TJP1: variants seen among roughly 807,000 people sequenced by gnomAD.
The protein encoded by TJP1 is tight junction protein ZO-1.
A neutral mutation model predicts 194.2 loss-of-function variants in TJP1; 43 were observed. The observed-to-expected ratio is 0.22, with a 90% CI of 0.17 to 0.29. The LOEUF (loss-of-function observed/expected upper bound fraction) is 0.29, where lower values mean the gene tolerates loss of function less well. TJP1 is among the 10% of genes least tolerant of loss of function. TJP1 has a pLI of 1.00. For missense variants in TJP1, 1,971 were observed against 2,185.7 expected, an observed-to-expected ratio of 0.90 and a Z score of 1.96; for synonymous variants, 801 against 779.0, an observed-to-expected ratio of 1.03 and a Z score of -0.47.
chr15:29,870,972 C>T (rs1283183348), intron 2 of TJP1, among the ~76,000 whole-genome samples: 1 of 152,198 alleles, frequency 6.6e-6, no homozygotes, highest in Non-Finnish European at 1.5e-5. Flanking sequence ...GAACTGGCGG[C>T]CAGCCCCAGG....
chr15:29,852,636 A>C (rs901215757), intron 2 of TJP1, among the ~76,000 whole-genome samples: 23 of 152,320 alleles, frequency 1.5e-4, no homozygotes, highest in Admixed American at 5.9e-4. Context: ...AGGGCCGGGC[A>C]TGGTGGCTCA....
In TJP1 at chr15:29,716,602, A is replaced by T. The variant is rs2042578511; in HGVS notation, c.4202+9T>A. On this transcript the variant is annotated intron_variant, in intron 23 of 27. Coordinates refer to ENST00000614355, the MANE Select transcript of TJP1 (RefSeq NM_001330239.4). Reference sequence around the variant, plus strand: ...ATCCTATTTTTAAAAGCCAGGTGAAATAGCTTACTTTGAAGAATAACTAGA... The same window carrying T: ...ATCCTATTTTTAAAAGCCAGGTGAATTAGCTTACTTTGAAGAATAACTAGA... The T allele has an allele frequency of 1.9e-6, 3 of 1,600,962 alleles. No individual in the cohort carries two copies. Among genetic ancestry groups the T allele is most frequent in the South Asian group, 2.2e-5 (2 of 90,588 alleles).
intron 2 of TJP1, among the ~76,000 whole-genome samples, chr15:29,880,918 C>G (rs1423856428): frequency 6.6e-6 from 1 of 152,178 alleles, no homozygotes; most frequent in African/African-American, 2.4e-5. Context: ...GTGCAAATAT[C>G]TCTTCAAGAT....
In TJP1 at chr15:29,835,062, T is replaced by C. The variant is rs368537082; in HGVS notation, c.307-34360A>G. On this transcript the variant is annotated intron_variant, in intron 2 of 28. Coordinates refer to the TJP1 transcript ENST00000356107. ...GAGGAGGGGTAATGAGAGGGGCTTG[T>C]TGGGGGCCAGGAGAAGTGGGCTGGA... is the stretch of plus-strand genomic sequence containing the variant. Among the ~76,000 whole-genome samples the C allele has an allele frequency of 3.3e-5, 5 of 152,240 alleles. No homozygotes were observed. In the East Asian group the frequency reaches 7.7e-4, roughly 24 times the overall value.
At chr15:29,715,547 C>T (rs2042511987) in intron 23 of TJP1, among the ~76,000 whole-genome samples, 1 of 152,022 alleles carries the variant, frequency 6.6e-6, no homozygotes, top group African/African-American at 2.4e-5. Context: ...CAAGATAATC[C>T]CAAGCCCACG....
At chr15:29,907,770 C>T (rs961362659) in intron 2 of TJP1, among the ~76,000 whole-genome samples, 6 of 151,980 alleles carry the variant, frequency 3.9e-5, no homozygotes, top group Admixed American at 2.6e-4. Flanking sequence ...CTCTTCCATT[C>T]CTCCCAGCTT....
chr15:29,786,892 G>A (rs1488510565), intron 2 of TJP1, among the ~76,000 whole-genome samples: 2 of 152,072 alleles, frequency 1.3e-5, no homozygotes, highest in Admixed American at 6.6e-5. Flanking sequence ...CGCTCTTAAG[G>A]GGCATTTTAC....
intron 2 of TJP1, among the ~76,000 whole-genome samples, chr15:29,894,407 C>A (rs1021102278): frequency 2.0e-5 from 3 of 152,122 alleles, no homozygotes; most frequent in African/African-American, 7.2e-5. Flanking sequence ...TGCAGTGAGC[C>A]AACATCACGC....
At chr15:29,821,801 G>A (rs1035090170) in intron 1 of TJP1, among the ~76,000 whole-genome samples, 5 of 147,552 alleles carry the variant, frequency 3.4e-5, no homozygotes, top group Admixed American at 6.7e-5. Flanking sequence ...GCCGCCCCCA[G>A]TGCGGCCCGC....
chr15:29,896,053 C>T (rs187890878), intron 2 of TJP1, among the ~76,000 whole-genome samples: 1 of 152,218 alleles, frequency 6.6e-6, no homozygotes, highest in African/African-American at 2.4e-5. Context: ...ACCTAATCAC[C>T]TCCAAAAAGG....
intron 18 of TJP1, among the ~76,000 whole-genome samples, chr15:29,721,600 T>C (rs2042931984): frequency 6.6e-6 from 1 of 152,158 alleles, no homozygotes; most frequent in Admixed American, 6.5e-5. Context: ...AAGTAGGGCA[T>C]TGCCAAAAAG....
At chr15:29,761,536 A>C (rs1047891413) in intron 7 of TJP1, 65 bp downstream of exon 7, 16 of 1,512,276 alleles carry the variant, frequency 1.1e-5, no homozygotes, top group East Asian at 6.9e-5. Flanking sequence ...AAAGATGTTC[A>C]ATCTCCCTAG....
chr15:29,853,080 A>G (rs530913032), intron 2 of TJP1, among the ~76,000 whole-genome samples: 10 of 152,374 alleles, frequency 6.6e-5, no homozygotes, highest in Middle Eastern at 3.4e-3. Context: ...AGAACAAACT[A>G]TTGATACATG....
intron 2 of TJP1, among the ~76,000 whole-genome samples, chr15:29,836,460 AC>A (rs542986330): frequency 1.8e-3 from 277 of 151,680 alleles, no homozygotes; most frequent in African/African-American, 6.0e-3. Context: ...TTTAGTAGAG[AC>A]GGGGTTTCAC....
chr15:29,846,147 T>C (rs1231083850), intron 2 of TJP1, among the ~76,000 whole-genome samples: 2 of 152,160 alleles, frequency 1.3e-5, no homozygotes, highest in Admixed American at 6.5e-5. Context: ...ACTCAACTGA[T>C]CTTTAAGAGA....
chr15:29,950,238 C>A (rs1416978313), intron 2 of TJP1, among the ~76,000 whole-genome samples: 1 of 149,092 alleles, frequency 6.7e-6, no homozygotes, highest in Non-Finnish European at 1.5e-5. Context: ...TCCACCACCA[C>A]CACCTCCTTC....
Position 29,807,488 on chromosome 15 carries a change from G to C in TJP1, c.28-6786C>G, listed in dbSNP as rs1469831179. On this transcript the variant is annotated intron_variant, in intron 1 of 27. Transcript: ENST00000614355. Reference sequence around the variant, plus strand: ...ACAAAGATCTCTCACAATTTATTCAGGTAGACAGGAGGAGGAAGGGAATGG... The same window carrying C: ...ACAAAGATCTCTCACAATTTATTCACGTAGACAGGAGGAGGAAGGGAATGG... 2.6e-5 allele frequency among the ~76,000 whole-genome samples: 4 copies of C among 152,272 alleles called. No homozygotes were observed. In the East Asian group the frequency reaches 7.7e-4, roughly 29 times the overall value.
At chr15:29,872,818 A>T (rs1051591940) in intron 2 of TJP1, among the ~76,000 whole-genome samples, 1 of 152,140 alleles carries the variant, frequency 6.6e-6, no homozygotes, top group Non-Finnish European at 1.5e-5. Flanking sequence ...CACCAGCAAG[A>T]GGTCGTGCGG....
At chr15:29,896,571 C>T (rs969405311) in intron 2 of TJP1, among the ~76,000 whole-genome samples, 1 of 152,130 alleles carries the variant, frequency 6.6e-6, no homozygotes, top group East Asian at 1.9e-4. Flanking sequence ...GGTTAACAGG[C>T]AGAAGCTGGA....
Sources: allele counts gnomAD v4.1 joint callset (sites outside exome capture counted in the v4.1 genomes callset), GRCh38; gene constraint gnomAD v4.1.1; transcripts MANE v1.5; gene names NCBI Gene and HGNC (gene_info 2026-07-23, HGNC 2026-07-21).